SMG6: variants seen among roughly 807,000 people sequenced by gnomAD.
The protein encoded by SMG6 is telomerase-binding protein EST1A.
In SMG6, 66 loss-of-function variants were observed where a neutral mutation model predicts 142.2. The observed-to-expected ratio is 0.46, with a 90% CI of 0.38 to 0.57. The LOEUF is 0.57. SMG6 is among the 20% of genes least tolerant of loss of function. The pLI is 0.00. For missense variants in SMG6, 1,793 were observed against 1,832.0 expected (o/e 0.98, Z 0.39); for synonymous variants, 779 against 702.4 (o/e 1.11, Z -1.72).
chr17:2,234,420 C>T lies in SMG6; in HGVS notation c.2869+2072G>A, dbSNP rs888027776. Among the ~76,000 whole-genome samples the T allele has an allele frequency of 1.6e-4, 25 of 151,692 alleles. No individual in the cohort carries two copies. The East Asian group carries it at 2.6e-3, about 16-fold the overall frequency. On this transcript the variant is annotated intron_variant, in intron 10 of 18. Transcript: ENST00000263073. Reference sequence around the variant, plus strand: ...GGGATTACAGGTGCCCACCACCAAGCGCAGCTAATTTTTGGTATTTTTAGT... The same window carrying T: ...GGGATTACAGGTGCCCACCACCAAGTGCAGCTAATTTTTGGTATTTTTAGT...
chr17:2,065,483 G>A lies in SMG6; in HGVS notation c.4032C>T (p.Asp1344=). The change falls in exon 17 of 19, where the codon GAC becomes GAT. Residue 1344 remains aspartate, a synonymous_variant. Coordinates refer to ENST00000263073, the MANE Select transcript of SMG6 (RefSeq NM_017575.5). ...AGGGTCTCACCAGCTGGCCAGTGAT[G>A]TCCTCACTGCGGAAGGCGATGGATT... is the stretch of plus-strand genomic sequence containing the variant. ...ELESIAFRSE[D]ITGQLGNNDD... 1 of 1,612,748 alleles carries A rather than the reference G, an allele frequency of 6.2e-7. No homozygotes were observed.
chr17:2,247,172 G>A (rs1006904240), intron 8 of SMG6, among the ~76,000 whole-genome samples: 5 of 152,130 alleles, frequency 3.3e-5, no homozygotes, highest in Non-Finnish European at 5.9e-5. Flanking sequence ...CTAAATGCTC[G>A]CTTGACCTGT....
At chr17:2,250,132 G>T (rs2074014516) in intron 8 of SMG6, among the ~76,000 whole-genome samples, 2 of 152,176 alleles carry the variant, frequency 1.3e-5, no homozygotes, top group Admixed American at 1.3e-4. Flanking sequence ...TGACTGTGGA[G>T]CAAGGAAGGA....
chr17:2,129,816 A>G (rs940759283), intron 13 of SMG6, among the ~76,000 whole-genome samples: 4 of 149,224 alleles, frequency 2.7e-5, no homozygotes, highest in African/African-American at 9.9e-5. Flanking sequence ...AAAAAAAAAA[A>G]AAAAAGAAAT....
At chr17:2,260,649 T>C (rs1433436034) in intron 8 of SMG6, among the ~76,000 whole-genome samples, 2 of 152,218 alleles carry the variant, frequency 1.3e-5, no homozygotes, top group Non-Finnish European at 2.9e-5. Flanking sequence ...TTATTTAAAA[T>C]GCTCTGTCAC....
chr17:2,279,413 G>T (rs1356965495), intron 8 of SMG6, among the ~76,000 whole-genome samples: 1 of 152,206 alleles, frequency 6.6e-6, no homozygotes, highest in African/African-American at 2.4e-5. Flanking sequence ...AGACCTGATT[G>T]TAAGAGCACA....
chr17:2,197,912 ATAGT>A (rs2072381594), intron 10 of SMG6, among the ~76,000 whole-genome samples: 1 of 152,238 alleles, frequency 6.6e-6, no homozygotes, highest in African/African-American at 2.4e-5. Flanking sequence ...GCTCTGGAAA[ATAGT>A]TTGGCAGTTT....
At chr17:2,233,082 C>A (rs569986325) in intron 10 of SMG6, 2 of 152,330 alleles carry the variant, frequency 1.3e-5, no homozygotes, top group African/African-American at 4.8e-5. Context: ...ACACAAGAAA[C>A]AAATGATTCA....
At chr17:2,155,392 G>A (rs1447446509) in intron 13 of SMG6, among the ~76,000 whole-genome samples, 2 of 152,004 alleles carry the variant, frequency 1.3e-5, no homozygotes, top group African/African-American at 4.8e-5. Context: ...CAGTGGGTAA[G>A]GGAAAAAACA....
At chr17:2,113,736 T>C (rs2069412103) in intron 13 of SMG6, among the ~76,000 whole-genome samples, 1 of 152,204 alleles carries the variant, frequency 6.6e-6, no homozygotes, top group Admixed American at 6.5e-5. Flanking sequence ...TGGTCCCTAT[T>C]AATATCCAGC....
At chr17:2,245,058 T>C (rs977628504) in intron 8 of SMG6, 8 of 265,076 alleles carry the variant, frequency 3.0e-5, no homozygotes, top group African/African-American at 1.7e-4. Flanking sequence ...TCCGGCTCCA[T>C]AATCATGGAA....
chr17:2,183,510 G>C (rs1249665329), intron 12 of SMG6, among the ~76,000 whole-genome samples: 1 of 152,178 alleles, frequency 6.6e-6, no homozygotes, highest in African/African-American at 2.4e-5. Flanking sequence ...GAACCATACA[G>C]CCTGTGGCAA....
At chr17:2,204,468 C>T (rs1242993031) in intron 10 of SMG6, among the ~76,000 whole-genome samples, 2 of 152,166 alleles carry the variant, frequency 1.3e-5, no homozygotes, top group Non-Finnish European at 2.9e-5. Context: ...AACCAAACTG[C>T]GAACGTAATG....
chr17:2,218,462 G>A (rs1311123736), intron 10 of SMG6, among the ~76,000 whole-genome samples: 1 of 152,066 alleles, frequency 6.6e-6, no homozygotes, highest in African/African-American at 2.4e-5. Context: ...CAGGAGAATG[G>A]CGTGGACCCA....
chr17:2,144,249 G>A (rs2070589293), intron 13 of SMG6, among the ~76,000 whole-genome samples: 1 of 151,910 alleles, frequency 6.6e-6, no homozygotes, highest in Non-Finnish European at 1.5e-5. Context: ...AGTAGAGACG[G>A]GGTTTCGCCT....
In SMG6 at chr17:2,162,817, G is replaced by A. The variant is rs1023533468; in HGVS notation, c.3357+9841C>T. Among the ~76,000 whole-genome samples, 5 of 152,180 alleles carry A rather than the reference G, an allele frequency of 3.3e-5. 1 individual carries two copies. The highest frequency in any genetic ancestry group is 4.2e-4 in the South Asian group (2 of 4,812). On this transcript the variant is annotated intron_variant, in intron 13 of 18. Coordinates refer to ENST00000263073, the MANE Select transcript of SMG6 (RefSeq NM_017575.5). The stretch of plus-strand genomic sequence containing the variant: ...GGATCAAGAAAATCTTTTCTTTTCC[G>A]TATTGCTAATCTTGATTTTCCTCTC...
chr17:2,299,325 G>A lies in SMG6; in HGVS notation c.1428C>T (p.Phe476=). 1.2e-6 allele frequency: 2 copies of A among 1,614,124 alleles called. No individual in the cohort carries two copies. The highest frequency in any genetic ancestry group is 1.3e-5 in the African/African-American group (1 of 75,026). ...ALKTQTPQLH[F]LDTDDEVSPT... ...GGCTGACTTCATCATCAGTGTCCAA[G>A]AAATGTAGCTGGGGCGTCTGAGTCT... The change falls in exon 2 of 19, where the codon TTC becomes TTT. Residue 476 remains phenylalanine (F), a synonymous_variant. Coordinates refer to ENST00000263073, the MANE Select transcript of SMG6 (RefSeq NM_017575.5). The surrounding 1 kb of genome is among the most constrained non-coding windows in gnomAD (Gnocchi z 4.3).
At chr17:2,167,186 A>G (rs552113833) in intron 13 of SMG6, among the ~76,000 whole-genome samples, 16 of 150,152 alleles carry the variant, frequency 1.1e-4, no homozygotes, top group African/African-American at 3.7e-4. Flanking sequence ...AAAGGCAGGC[A>G]AAAAAAATAA....
chr17:2,090,501 C>T (rs1285828396), intron 13 of SMG6, among the ~76,000 whole-genome samples: 1 of 152,212 alleles, frequency 6.6e-6, no homozygotes, highest in East Asian at 1.9e-4. Context: ...AGCCAGGACC[C>T]TGGATGCAAG....
Sources: allele counts gnomAD v4.1 joint callset (sites outside exome capture counted in the v4.1 genomes callset), GRCh38; gene constraint gnomAD v4.1.1; non-coding constraint Gnocchi (gnomAD v3.1); transcripts MANE v1.5; gene names NCBI Gene and HGNC (gene_info 2026-07-23, HGNC 2026-07-21).